The following VHL variants were observed in gnomAD, a reference collection of about 807,000 sequenced individuals.
VHL encodes von Hippel-Lindau tumor suppressor.
VHL carries 10 observed loss-of-function variants against 19.2 expected under a neutral mutation model. The observed-to-expected ratio is 0.52, with a 90% CI of 0.32 to 0.89. The LOEUF is 0.89. Among genes scored for constraint, VHL ranks in the 40% least tolerant of loss-of-function variants. The probability of loss-of-function intolerance (pLI) is 0.03; values close to 1 mark genes in which losing one functional copy is unlikely to be tolerated. For synonymous variants in VHL, 167 were observed against 129.5 expected, an observed-to-expected ratio of 1.29 and a Z score of -1.97; for missense variants, 328 against 292.7, an observed-to-expected ratio of 1.12 and a Z score of -0.88.
At chr3:10,144,276 G>A (rs994460578) in intron 1 of VHL, among the ~76,000 whole-genome samples, 1 of 150,404 alleles carries the variant, frequency 6.6e-6, no homozygotes, top group Admixed American at 6.7e-5. Context: ...AGACCAGCCT[G>A]TGCAACATAG....
rs142265244 is a variant in VHL at position 10,148,103 on chromosome 3, G to GA, written c.463+1477dup. Among the ~76,000 whole-genome samples the GA allele has an allele frequency of 1.3e-3, 182 of 144,260 alleles. 1 individual carries two copies. The South Asian group carries it at 0.019, about 15-fold the overall frequency. The allele number at this position is 144,260 out of a possible 152,430, so 94.6% of individuals were successfully genotyped here. A position where few individuals can be genotyped will look rare whatever the true frequency, so the allele number is the denominator to read the frequency against. ...AGAGTGAGATCCTGTCTCAAAAAAAGAAAAAAAAAACTCAAAAACCCCCCA... is the reference window on the plus strand; with the variant it reads ...AGAGTGAGATCCTGTCTCAAAAAAAGAAAAAAAAAAACTCAAAAACCCCCCA... On this transcript the variant is annotated intron_variant, in intron 2 of 2. Coordinates refer to ENST00000256474, the MANE Select transcript of VHL (RefSeq NM_000551.4).
rs765555744 is a variant in VHL at position 10,141,840 on chromosome 3, C to T, written c.-8C>T. The T allele has an allele frequency of 6.5e-7, 1 of 1,536,000 alleles. No homozygotes were observed. Among genetic ancestry groups the T allele is most frequent in the South Asian group, 1.2e-5 (1 of 82,752 alleles). The stretch of plus-strand genomic sequence containing the variant: ...CGTCCGGCCCGGGTGGTCTGGATCG[C>T]GGAGGGAATGCCCCGGAGGGCGGAG... On this transcript the variant is annotated 5_prime_UTR_variant, in exon 1 of 3. Coordinates refer to ENST00000256474, the MANE Select transcript of VHL (RefSeq NM_000551.4).
chr3:10,147,256 C>G (rs534033584), intron 2 of VHL, among the ~76,000 whole-genome samples: 2 of 152,034 alleles, frequency 1.3e-5, no homozygotes, highest in Non-Finnish European at 2.9e-5. Context: ...ATGATCTGCC[C>G]GCCTACGCCT....
chr3:10,143,546 C>G (rs566714301), intron 1 of VHL, among the ~76,000 whole-genome samples: 1 of 152,196 alleles, frequency 6.6e-6, no homozygotes, highest in African/African-American at 2.4e-5. Flanking sequence ...CTCCCTGGTT[C>G]AAGCGATTCT....
rs727503743 is a variant in VHL, at chr3:10,141,782, C to CTCCGCCCCGCG, written c.-61_-51dup. 660 of 1,518,350 alleles carry CTCCGCCCCGCG rather than the reference C, an allele frequency of 4.3e-4. 7 individuals carry two copies. The Middle Eastern group carries it at 5.8e-3, about 13-fold the overall frequency. 94.1% of individuals were successfully genotyped at this position (1,518,350 alleles called of 1,614,324 possible). ...GGTCGACTCGGGAGCGCGCACGCAG[C>CTCCGCCCCGCG]TCCGCCCCGCGTCCGACCCGCGGAT... On this transcript the variant is annotated 5_prime_UTR_variant, in exon 1 of 3. Coordinates refer to ENST00000256474, the MANE Select transcript of VHL (RefSeq NM_000551.4).
rs1039347276 is a variant in VHL, at chr3:10,152,429, A to G, written c.*2464A>G. Among the ~76,000 whole-genome samples the G allele has an allele frequency of 4.9e-5, 7 of 143,828 alleles. No individual in the cohort carries two copies. The highest frequency in any genetic ancestry group is 9.0e-5 in the Non-Finnish European group (6 of 66,452). 94.4% of individuals were successfully genotyped at this position (143,828 alleles called of 152,430 possible). On this transcript the variant is annotated 3_prime_UTR_variant, in exon 3 of 3. Transcript: ENST00000256474. ...AATGAGACACTCCAGTTTTCCTTCT[A>G]CTCCGAATTTCAACTGATTTTAGCT...
chr3:10,151,985 T>G lies in VHL; in HGVS notation c.*2020T>G. 1 of 177,412 alleles carries G rather than the reference T, an allele frequency of 5.6e-6. No individual in the cohort carries two copies. The highest frequency in any genetic ancestry group is 1.2e-5 in the Non-Finnish European group (1 of 83,482). The allele number at this position is 177,412 out of a possible 1,614,324, so 11.0% of individuals were successfully genotyped here. ...CTGAGGTGAGAAGATCATTGGAGTT[T>G]AGGAATTGGAGGCTGCAGTGAGCCA... On this transcript the variant is annotated 3_prime_UTR_variant, in exon 3 of 3. Coordinates refer to ENST00000256474, the MANE Select transcript of VHL (RefSeq NM_000551.4).
At chr3:10,147,022 A>T (rs963740247) in intron 2 of VHL, among the ~76,000 whole-genome samples, 16 of 151,798 alleles carry the variant, frequency 1.1e-4, no homozygotes, top group Admixed American at 4.6e-4. Context: ...AATTTTTTTT[A>T]TTTTTTTGAG....
Position 10,151,610 on chromosome 3 carries a change from CT to C in VHL, c.*1650del. Reference sequence around the variant, plus strand: ...TGTACTGTTCATACAGTTTTATACCCTTTTTCATTTAACTTTATAACTTAAA... The same window carrying C: ...TGTACTGTTCATACAGTTTTATACCCTTTTCATTTAACTTTATAACTTAAA... On this transcript the variant is annotated 3_prime_UTR_variant, in exon 3 of 3. Coordinates refer to ENST00000256474, the MANE Select transcript of VHL (RefSeq NM_000551.4). 4.5e-6 allele frequency: 1 copy of C among 222,384 alleles called. No individual in the cohort carries two copies. The highest frequency in any genetic ancestry group is 6.6e-5 in the East Asian group (1 of 15,048). 13.8% of individuals were successfully genotyped at this position (222,384 alleles called of 1,614,324 possible).
intron 2 of VHL, among the ~76,000 whole-genome samples, chr3:10,148,300 G>A (rs1023321584): frequency 4.7e-5 from 7 of 149,600 alleles, no homozygotes; most frequent in Non-Finnish European, 1.0e-4. Flanking sequence ...ACCCAATTCA[G>A]TTGTACTAGA....
At chr3:10,144,681 TC>T (rs1437279553) in intron 1 of VHL, among the ~76,000 whole-genome samples, 4 of 151,952 alleles carry the variant, frequency 2.6e-5, no homozygotes, top group Non-Finnish European at 5.9e-5. Context: ...CTGGCTAATT[TC>T]TTTTTTTATT....
At chr3:10,147,743 G>C (rs907645113) in intron 2 of VHL, among the ~76,000 whole-genome samples, 3 of 151,596 alleles carry the variant, frequency 2.0e-5, no homozygotes, top group African/African-American at 7.3e-5. Flanking sequence ...ATTTTATCAG[G>C]GTAAACCCTA....
At chr3:10,146,202 C>CT (rs1696251015) in intron 1 of VHL, among the ~76,000 whole-genome samples, 1 of 140,362 alleles carries the variant, frequency 7.1e-6, no homozygotes, top group Non-Finnish European at 1.5e-5. Context: ...GAGACGGAGT[C>CT]TTGCTCTGTC....
intron 1 of VHL, among the ~76,000 whole-genome samples, chr3:10,143,406 G>GGT (rs1260842068): frequency 6.6e-6 from 1 of 152,172 alleles, no homozygotes; most frequent in Non-Finnish European, 1.5e-5. Flanking sequence ...TGAGATTACA[G>GGT]GTGTAAGCCA....
At chr3:10,146,740 C>CAAA in intron 2 of VHL, 104 bp downstream of exon 2, 3 of 1,423,580 alleles carry the variant, frequency 2.1e-6, no homozygotes, top group Non-Finnish European at 3.0e-6. Context: ...TGATGTCAGG[C>CAAA]ACGTTATCCA....
chr3:10,147,680 T>A (rs991582319), intron 2 of VHL, among the ~76,000 whole-genome samples: 15 of 152,040 alleles, frequency 9.9e-5, no homozygotes, highest in African/African-American at 3.4e-4. Flanking sequence ...TTTTTTTTTT[T>A]TAAATCATTG....
rs552161251 is a variant in VHL at position 10,153,590 on chromosome 3, T to A, written c.*3625T>A. On this transcript the variant is annotated 3_prime_UTR_variant, in exon 3 of 3. Transcript: ENST00000256474. Reference sequence around the variant, plus strand: ...TATCGCTCTTAAGAGACGGTGAAGTTCCTATTTCAAGTTTTTTTTTTTTTT... The same window carrying A: ...TATCGCTCTTAAGAGACGGTGAAGTACCTATTTCAAGTTTTTTTTTTTTTT... Among the ~76,000 whole-genome samples, 52 of 134,544 alleles carry A rather than the reference T, an allele frequency of 3.9e-4. No individual in the cohort carries two copies. Among genetic ancestry groups the A allele is most frequent in the South Asian group, 1.4e-3 (6 of 4,144 alleles). 88.3% of individuals were successfully genotyped at this position (134,544 alleles called of 152,430 possible).
chr3:10,142,088 C>T lies in VHL; in HGVS notation c.241C>T (p.Pro81Ser), dbSNP rs104893829. 3.5e-4 allele frequency: 566 copies of T among 1,605,226 alleles called. 1 individual carries two copies. The highest frequency in any genetic ancestry group is 4.6e-4 in the Non-Finnish European group (543 of 1,179,690). Residue 81 changes from proline to serine, a missense_variant, in exon 1 of 3, where the codon CCG (proline) becomes TCG (serine). Physicochemically the swap from Pro to Ser is moderately conservative, Grantham distance 74. Coordinates refer to ENST00000256474, the MANE Select transcript of VHL (RefSeq NM_000551.4). The stretch of plus-strand genomic sequence containing the variant: ...CCAGGTCATCTTCTGCAATCGCAGT[C>T]CGCGCGTCGTGCTGCCCGTATGGCT... ...PSQVIFCNRS[P>S]RVVLPVWLNF...
chr3:10,146,558 C>T lies in VHL; in HGVS notation c.385C>T (p.Leu129=), dbSNP rs369018004. The change falls in exon 2 of 3, where the codon CTG becomes TTG. Residue 129 remains leucine, a synonymous_variant. Transcript: ENST00000256474. The stretch of plus-strand genomic sequence containing the variant: ...AGATGCAGGGACACACGATGGGCTT[C>T]TGGTTAACCAAACTGAATTATTTGT... ...FRDAGTHDGL[L]VNQTELFVPS... The T allele has an allele frequency of 1.8e-5, 29 of 1,613,928 alleles. No homozygotes were observed. The highest frequency in any genetic ancestry group is 2.3e-5 in the Non-Finnish European group (27 of 1,179,958).
Sources: gnomAD v4.1 joint callset for allele counts (sites outside exome capture counted in the v4.1 genomes callset) on GRCh38, gnomAD v4.1.1 for gene constraint, MANE v1.5 for transcripts, NCBI Gene and HGNC (gene_info 2026-07-23, HGNC 2026-07-21) for gene names.